MGAT4C: variants seen among roughly 807,000 people sequenced by gnomAD.
MGAT4C encodes alpha-1,3-mannosyl-glycoprotein 4-beta-N-acetylglucosaminyltransferase C.
Under a neutral mutation model 40.1 loss-of-function variants are expected in MGAT4C, and 19 were observed. The observed-to-expected ratio is 0.47, with a 90% CI of 0.33 to 0.70. MGAT4C has a LOEUF of 0.70. MGAT4C is among the 30% of genes least tolerant of loss of function. MGAT4C has a pLI of 0.02. For synonymous variants in MGAT4C, 181 were observed against 187.1 expected (o/e 0.97, Z 0.27); for missense variants, 491 against 563.2 (o/e 0.87, Z 1.30).
intron 2 of MGAT4C, among the ~76,000 whole-genome samples, chr12:86,726,103 A>G (rs1041375979): frequency 6.6e-6 from 1 of 152,216 alleles, no homozygotes; most frequent in Admixed American, 6.5e-5. Context: ...TCAAAAATTC[A>G]GATAATTACA....
At chr12:86,685,866 T>C (rs1475906236) in intron 2 of MGAT4C, among the ~76,000 whole-genome samples, 3 of 150,358 alleles carry the variant, frequency 2.0e-5, no homozygotes, top group African/African-American at 7.3e-5. Flanking sequence ...GCTTGTGATT[T>C]TTTTTTTTTT....
intron 1 of MGAT4C, among the ~76,000 whole-genome samples, chr12:86,196,298 C>G (rs1405464657): frequency 1.3e-5 from 2 of 152,206 alleles, no homozygotes; most frequent in Non-Finnish European, 2.9e-5. Flanking sequence ...GATATTAAGG[C>G]TCACGCATAA....
rs541948542 is a variant in MGAT4C, at chr12:86,513,874, G to A, written c.-228-78609C>T. 6.6e-4 allele frequency among the ~76,000 whole-genome samples: 101 copies of A among 152,116 alleles called. 2 individuals are homozygous for A. Among genetic ancestry groups the A allele is most frequent in the South Asian group, 6.0e-3 (29 of 4,822 alleles). ...TCTCTTCAGCTGTGCATTAGATTTA[G>A]AAAACAACAGTTCCACAAACAAGGT... On this transcript the variant is annotated intron_variant, in intron 2 of 7. Transcript: ENST00000548651.
upstream of MGAT4C, among the ~76,000 whole-genome samples, chr12:86,259,585 A>G (rs1948448): frequency 0.67 from 99,734 of 149,838 alleles, 33,634 homozygotes; most frequent in South Asian, 0.77. Context: ...AAGGAATAAT[A>G]ACAAACACTG....
intron 1 of MGAT4C, among the ~76,000 whole-genome samples, chr12:86,230,913 A>C (rs1293546977): frequency 6.6e-6 from 1 of 150,972 alleles, no homozygotes; most frequent in Non-Finnish European, 1.5e-5. Flanking sequence ...GCCAAACGGG[A>C]AAAGTAATTT....
intron 1 of MGAT4C, among the ~76,000 whole-genome samples, chr12:86,070,639 G>T (rs1894993845): frequency 6.6e-6 from 1 of 151,882 alleles, no homozygotes; most frequent in Non-Finnish European, 1.5e-5. Context: ...TTAATGAGCT[G>T]GGATTTCAAA....
At chr12:86,371,678 T>G (rs191604400) in intron 3 of MGAT4C, among the ~76,000 whole-genome samples, 2 of 152,086 alleles carry the variant, frequency 1.3e-5, no homozygotes, top group African/African-American at 4.8e-5. Context: ...GAAATTACTT[T>G]TATAATTTCT....
chr12:86,809,261 A>C (rs1952423974), intron 1 of MGAT4C, among the ~76,000 whole-genome samples: 1 of 152,110 alleles, frequency 6.6e-6, no homozygotes. Flanking sequence ...TTCCATTCAG[A>C]GTAGTATTCC....
chr12:86,612,211 T>A (rs1217914883), intron 2 of MGAT4C, among the ~76,000 whole-genome samples: 2 of 152,062 alleles, frequency 1.3e-5, no homozygotes, highest in Non-Finnish European at 2.9e-5. Flanking sequence ...TACTTGAGAT[T>A]TGCATTTATT....
chr12:86,132,023 T>A (rs1881257202), intron 1 of MGAT4C, among the ~76,000 whole-genome samples: 3 of 152,098 alleles, frequency 2.0e-5, no homozygotes. Context: ...TTCCATAAAT[T>A]TTTTTGATGG....
In MGAT4C at chr12:85,962,391, AAATTATATAATTAATTATAT is replaced by A. The variant is rs1025628016; in HGVS notation, c.*16878_*16897del. 6.7e-6 allele frequency: 1 copy of A among 148,784 alleles called. No individual in the cohort carries two copies. Among genetic ancestry groups the A allele is most frequent in the African/African-American group, 2.4e-5 (1 of 40,966 alleles). The allele number at this position is 148,784 out of a possible 1,614,324, so 9.2% of individuals were successfully genotyped here. A position where few individuals can be genotyped will look rare whatever the true frequency, so the allele number is the denominator to read the frequency against. Reference sequence around the variant, plus strand: ...GCAATTTACAACATCCAATGAAGTAAAATTATATAATTAATTATATAATTATATAATTATATAAAATTTTA... The same window carrying A: ...GCAATTTACAACATCCAATGAAGTAAAATTATATAATTATATAAAATTTTA... On this transcript the variant is annotated 3_prime_UTR_variant, in exon 5 of 5. Transcript: ENST00000611864.
intron 2 of MGAT4C, among the ~76,000 whole-genome samples, chr12:85,997,041 G>T (rs764583606): frequency 6.6e-6 from 1 of 152,140 alleles, no homozygotes; most frequent in Non-Finnish European, 1.5e-5. Flanking sequence ...CCAAGACAGG[G>T]CAATTTACAA....
intron 2 of MGAT4C, among the ~76,000 whole-genome samples, chr12:86,656,864 A>C (rs1453371947): frequency 6.6e-6 from 1 of 152,084 alleles, no homozygotes; most frequent in Non-Finnish European, 1.5e-5. Flanking sequence ...GCTTCAGTAG[A>C]GGTTTAGGAT....
intron 2 of MGAT4C, among the ~76,000 whole-genome samples, chr12:86,445,079 G>T (rs1957309720): frequency 6.6e-6 from 1 of 152,128 alleles, no homozygotes; most frequent in African/African-American, 2.4e-5. Flanking sequence ...AAATTTTTGT[G>T]TGTAACAGAC....
At chr12:86,279,410 T>C (rs1426036433) in intron 4 of MGAT4C, among the ~76,000 whole-genome samples, 1 of 152,128 alleles carries the variant, frequency 6.6e-6, no homozygotes, top group Non-Finnish European at 1.5e-5. Flanking sequence ...TAGAAATGTA[T>C]TGATTTATAT....
chr12:86,554,193 G>C (rs1461477235), intron 2 of MGAT4C, among the ~76,000 whole-genome samples: 1 of 151,578 alleles, frequency 6.6e-6, no homozygotes, highest in Non-Finnish European at 1.5e-5. Context: ...TTTCTGTTAA[G>C]TATTTACATT....
At chr12:86,820,713 T>G (rs573208775) in intron 1 of MGAT4C, among the ~76,000 whole-genome samples, 5 of 151,038 alleles carry the variant, frequency 3.3e-5, no homozygotes, top group Admixed American at 6.6e-5. Context: ...TATAAGAAGA[T>G]GAAAGAGAGA....
rs180913192 is a variant in MGAT4C, at chr12:86,402,412, G to C, written c.-120+32745C>G. On this transcript the variant is annotated intron_variant, in intron 3 of 7. Transcript: ENST00000548651. ...TGCACTCCATCCAGCCTGGGCAAAA[G>C]AGCGAGACTCCATTTCAAAAAAAAT... Among the ~76,000 whole-genome samples, 140 of 152,220 alleles carry C rather than the reference G, an allele frequency of 9.2e-4. 1 individual carries two copies. Among genetic ancestry groups the C allele is most frequent in the African/African-American group, 3.0e-3 (126 of 41,528 alleles).
intron 2 of MGAT4C, among the ~76,000 whole-genome samples, chr12:86,687,776 G>A (rs1950099151): frequency 6.6e-6 from 1 of 152,204 alleles, no homozygotes; most frequent in African/African-American, 2.4e-5. Flanking sequence ...TTTAGAATGG[G>A]TGTGATGTGG....
Sources: allele counts gnomAD v4.1 joint callset (sites outside exome capture counted in the v4.1 genomes callset), GRCh38; gene constraint gnomAD v4.1.1; transcripts MANE v1.5; gene names NCBI Gene and HGNC (gene_info 2026-07-23, HGNC 2026-07-21).